Variants in BRD1 observed in about 807,000 individuals in gnomAD.
BRD1 encodes the protein bromodomain-containing protein 1.
Under a neutral mutation model 107.7 loss-of-function variants are expected in BRD1, and 24 were observed. The ratio of observed to expected loss-of-function variants is 0.22; its 90% CI spans 0.16 to 0.31. BRD1 has a LOEUF of 0.31. Ranked by LOEUF, BRD1 falls within the 10% of genes least tolerant of loss-of-function variation. BRD1 has a pLI of 1.00. For missense variants in BRD1, 1,279 were observed against 1,638.6 expected (o/e 0.78, Z 3.79); for synonymous variants, 744 against 686.1 (o/e 1.08, Z -1.32).
chr22:49,822,132 ATCT>A (rs1182515632), intron 2 of BRD1, among the ~76,000 whole-genome samples: 1 of 152,222 alleles, frequency 6.6e-6, no homozygotes, highest in Non-Finnish European at 1.5e-5. Context: ...ATTCTTAAAA[ATCT>A]TCACGCACGG....
chr22:49,788,537 A>G (rs78004933), intron 7 of BRD1, among the ~76,000 whole-genome samples: 12,762 of 152,286 alleles, frequency 0.084, 648 homozygotes, highest in South Asian at 0.17. Flanking sequence ...AAGTCTTTGG[A>G]AAAAGACGGC....
intron 3 of BRD1, among the ~76,000 whole-genome samples, chr22:49,802,209 C>T (rs1601684176): frequency 2.4e-5 from 3 of 126,994 alleles, no homozygotes; most frequent in South Asian, 6.4e-4. Flanking sequence ...CACTCTCTTC[C>T]TTTCCCCAAC....
intron 2 of BRD1, among the ~76,000 whole-genome samples, chr22:49,816,029 C>T (rs999437699): frequency 6.6e-5 from 10 of 151,958 alleles, no homozygotes; most frequent in East Asian, 3.9e-4. Context: ...CGGTGCCACC[C>T]GCAGCAGCCA....
At position 49,799,017 on chromosome 22, in the gene BRD1, G is replaced by A. The variant is rs774744137; in HGVS notation, c.1627C>T (p.Arg543Cys). Residue 543 changes from arginine to cysteine, a missense_variant, in exon 4 of 13, where the codon CGC (arginine) becomes TGC (cysteine). Around this residue, in one of 7 missense-constraint regions of BRD1, gnomAD observed 406 missense variants for 519.4 expected, o/e 0.78. Transcript: ENST00000404760. ...ERARLLIELL[R>C]KREKLKREQV... is the part of the protein sequence containing the mutation. ...TCACGCTTGAGCTTCTCCCGCTTGC[G>A]CAGCAGCTCGATCAGCAGGCGAGCG... The A allele has an allele frequency of 2.5e-6, 4 of 1,610,636 alleles. No individual in the cohort carries two copies. Among genetic ancestry groups the A allele is most frequent in the East Asian group, 2.2e-5 (1 of 44,860 alleles).
In BRD1 at chr22:49,803,847, T is replaced by G. The variant is rs2147199067; in HGVS notation, c.1524+357A>C. On this transcript the variant is annotated intron_variant, in intron 3 of 12. Transcript: ENST00000404760. This position sits in a 1 kb window ranked among gnomAD's most constrained non-coding sequence, Gnocchi z 4.4. The stretch of plus-strand genomic sequence containing the variant: ...TGCTCACCGGGTCCCACTCCTGCTG[T>G]CCCCAGCCCGGACGCTCATGCAGCC... Among the ~76,000 whole-genome samples, 1 of 152,136 alleles carries G rather than the reference T, an allele frequency of 6.6e-6. No homozygotes were observed. Among genetic ancestry groups the G allele is most frequent in the East Asian group, 1.9e-4 (1 of 5,170 alleles).
intron 2 of BRD1, among the ~76,000 whole-genome samples, chr22:49,815,561 A>G (rs569802848): frequency 9.9e-5 from 15 of 152,268 alleles, no homozygotes; most frequent in African/African-American, 3.6e-4. Context: ...GAAAAAAAAA[A>G]AAACTGTTTC....
intron 8 of BRD1, 146 bp from the exon 9 acceptor site, chr22:49,777,959 C>T (rs761487399): frequency 6.0e-6 from 7 of 1,168,292 alleles, no homozygotes; most frequent in Non-Finnish European, 8.2e-6. Flanking sequence ...CCCAAGTTCC[C>T]GAGCATAGTC....
At position 49,827,718 on chromosome 22, in the gene BRD1, G is replaced by T. The variant is rs1455270175; in HGVS notation, c.-236C>A. Among the ~76,000 whole-genome samples, 24 of 144,826 alleles carry T rather than the reference G, an allele frequency of 1.7e-4. No homozygotes were observed. The South Asian group carries it at 4.2e-3, about 25-fold the overall frequency. On this transcript the variant is annotated 5_prime_UTR_variant, in exon 1 of 13. Coordinates refer to ENST00000404760, the MANE Select transcript of BRD1 (RefSeq NM_001304808.3). The stretch of plus-strand genomic sequence containing the variant: ...AGCGGCTCGCGCGGCGCGGGCTCGG[G>T]CTCGGGGCCCAGCTGGAGGCCCGGC...
intron 10 of BRD1, among the ~76,000 whole-genome samples, 192 bp downstream of exon 10, chr22:49,776,842 G>A (rs755175982): frequency 2.6e-4 from 40 of 152,084 alleles, no homozygotes; most frequent in Admixed American, 1.5e-3. Flanking sequence ...CGCCACCTCC[G>A]CAGGCACCCC....
At chr22:49,821,181 G>A (rs1035858414) in intron 2 of BRD1, among the ~76,000 whole-genome samples, 3 of 152,230 alleles carry the variant, frequency 2.0e-5, no homozygotes, top group African/African-American at 7.2e-5. Context: ...CCAAAGAACA[G>A]AGAGCGTGCG....
intron 2 of BRD1, among the ~76,000 whole-genome samples, chr22:49,808,699 AC>A (rs1212713801): frequency 1.3e-5 from 2 of 152,224 alleles, no homozygotes; most frequent in Non-Finnish European, 2.9e-5. Flanking sequence ...TGTGTACGTG[AC>A]CACAGTAAAA....
intron 8 of BRD1, among the ~76,000 whole-genome samples, chr22:49,785,607 A>G (rs1382898894): frequency 1.3e-5 from 2 of 152,264 alleles, no homozygotes; most frequent in Non-Finnish European, 2.9e-5. Context: ...AGTCAAGGAC[A>G]TCTATTCTTA....
intron 1 of BRD1, among the ~76,000 whole-genome samples, chr22:49,826,978 C>T (rs1307969610): frequency 1.3e-5 from 2 of 152,164 alleles, no homozygotes; most frequent in Non-Finnish European, 2.9e-5. Context: ...CCGGGGAGGC[C>T]GCGGTGCCGG....
chr22:49,794,445 C>T, intron 6 of BRD1, 151 bp from the exon 7 acceptor site: 1 of 975,826 alleles, frequency 1.0e-6, no homozygotes, highest in Non-Finnish European at 1.5e-6. Context: ...GAGGCCCCTC[C>T]CCTGCACTCT....
chr22:49,775,654 T>A lies in BRD1; in HGVS notation c.3323A>T (p.His1108Leu). 1 of 1,613,798 alleles carries A rather than the reference T, an allele frequency of 6.2e-7. No individual in the cohort carries two copies. Among genetic ancestry groups the A allele is most frequent in the Non-Finnish European group, 8.5e-7 (1 of 1,179,838 alleles). The change falls in exon 12 of 13, where the codon CAC becomes CTC. Residue 1108 changes from histidine to leucine, a missense_variant. His to Leu is a moderately conservative substitution (Grantham distance 99, BLOSUM62 -3). Transcript: ENST00000404760. ...CTTCTCATCAGACTTGGTCTGCATGTGCTCCCCAATCTTCAGCACGTCCAG... is the reference window on the plus strand; with the variant it reads ...CTTCTCATCAGACTTGGTCTGCATGAGCTCCCCAATCTTCAGCACGTCCAG... ...PPLDVLKIGE[H>L]MQTKSDEKLF...
chr22:49,812,044 T>C (rs909957862), intron 2 of BRD1, among the ~76,000 whole-genome samples: 3 of 151,962 alleles, frequency 2.0e-5, no homozygotes, highest in African/African-American at 7.2e-5. Context: ...TAAACAGTAT[T>C]TGAGAGGCAG....
At chr22:49,785,163 C>T (rs1040710292) in intron 8 of BRD1, among the ~76,000 whole-genome samples, 11 of 152,384 alleles carry the variant, frequency 7.2e-5, no homozygotes, top group Middle Eastern at 3.4e-3. Context: ...ATCTGATGAA[C>T]GAGCCTGAGA....
At chr22:49,821,251 G>C (rs1340999924) in intron 2 of BRD1, among the ~76,000 whole-genome samples, 1 of 152,196 alleles carries the variant, frequency 6.6e-6, no homozygotes, top group Non-Finnish European at 1.5e-5. Flanking sequence ...CCAGGGAAGG[G>C]AGCACTTCAG....
chr22:49,778,871 C>T (rs757572272), intron 8 of BRD1, among the ~76,000 whole-genome samples: 4 of 152,076 alleles, frequency 2.6e-5, no homozygotes, highest in Non-Finnish European at 4.4e-5. Flanking sequence ...CCGTGTTAGC[C>T]AGGATGGTCT....
Sources: allele counts gnomAD v4.1 joint callset (sites outside exome capture counted in the v4.1 genomes callset), GRCh38; gene constraint gnomAD v4.1.1; regional missense constraint gnomAD v4.1.1; non-coding constraint Gnocchi (gnomAD v3.1); transcripts MANE v1.5; gene names NCBI Gene and HGNC (gene_info 2026-07-23, HGNC 2026-07-21).